The following TUT4 variants were observed in gnomAD, a reference collection of about 807,000 sequenced individuals.
TUT4 encodes terminal uridylyltransferase 4.
In TUT4, 36 loss-of-function variants were observed where a neutral mutation model predicts 192.2. That is an observed-to-expected ratio of 0.19 (90% CI 0.14 to 0.25). TUT4 has a LOEUF of 0.25. TUT4 is among the 10% of genes least tolerant of loss of function. TUT4 has a pLI of 1.00. For synonymous variants in TUT4, 618 were observed against 666.0 expected, an observed-to-expected ratio of 0.93 and a Z score of 1.11; for missense variants, 1,493 against 1,957.2, an observed-to-expected ratio of 0.76 and a Z score of 4.47.
At chr1:52,539,240 T>G (rs17373654) in intron 1 of TUT4, among the ~76,000 whole-genome samples, 1 of 152,092 alleles carries the variant, frequency 6.6e-6, no homozygotes, top group Non-Finnish European at 1.5e-5. Flanking sequence ...TCAAGGAAAG[T>G]AGAGTTGAAT....
intron 27 of TUT4, 68 bp from the exon 28 acceptor site, chr1:52,431,528 AAATAC>A: frequency 8.3e-7 from 1 of 1,206,492 alleles, no homozygotes. Context: ...AGTAGAGATA[AAATAC>A]AAAATTAAAA....
At position 52,477,868 on chromosome 1, in the gene TUT4, C is replaced by T. The variant is rs1339537970; in HGVS notation, c.1863G>A (p.Leu621=). Residue 621 remains leucine (L), a synonymous_variant, in exon 12 of 30, where the codon TTG becomes TTA. Transcript: ENST00000257177. ...KEKHGKSPLA[L]ETPNRVSLGQ... ...CCAAGGATACCCGATTTGGTGTTTC[C>T]AATGCTAAAGGAGACTGGAAAAGAA... 2 of 1,607,006 alleles carry T rather than the reference C, an allele frequency of 1.2e-6. No individual in the cohort carries two copies. The highest frequency in any genetic ancestry group is 1.7e-6 in the Non-Finnish European group (2 of 1,177,624).
intron 20 of TUT4, among the ~76,000 whole-genome samples, chr1:52,451,393 C>T (rs1194626344): frequency 6.6e-6 from 1 of 152,094 alleles, no homozygotes; most frequent in Non-Finnish European, 1.5e-5. Flanking sequence ...CAAATCACTC[C>T]TAGCCAGGCT....
intron 27 of TUT4, chr1:52,434,370 GATACT>G (rs1653073347): frequency 6.6e-6 from 1 of 152,166 alleles, no homozygotes; most frequent in Non-Finnish European, 1.5e-5. Flanking sequence ...AAAATTTGAT[GATACT>G]AATACCTACC....
chr1:52,475,399 C>T lies in TUT4; in HGVS notation c.2160G>A (p.Val720=). 1.2e-6 allele frequency: 2 copies of T among 1,614,042 alleles called. No individual in the cohort carries two copies. The highest frequency in any genetic ancestry group is 1.7e-6 in the Non-Finnish European group (2 of 1,180,030). ...TCCCCTTCTCTCTTTTCTTGAAATCCACTGTAGACTTATTTCCACCCTTCG... is the reference window on the plus strand; with the variant it reads ...TCCCCTTCTCTCTTTTCTTGAAATCTACTGTAGACTTATTTCCACCCTTCG... ...PQTKGGNKST[V]DFKKREKGKI... Residue 720 remains valine, a synonymous_variant, in exon 13 of 30, where the codon GTG becomes GTA. Transcript: ENST00000257177.
chr1:52,534,274 T>C (rs2149555558), intron 1 of TUT4, among the ~76,000 whole-genome samples: 1 of 152,350 alleles, frequency 6.6e-6, no homozygotes, highest in East Asian at 1.9e-4. Context: ...GGGCTAAGTC[T>C]GCCTAATTCT....
At chr1:52,504,592 T>G (rs531021387) in intron 4 of TUT4, among the ~76,000 whole-genome samples, 1 of 152,126 alleles carries the variant, frequency 6.6e-6, no homozygotes, top group African/African-American at 2.4e-5. Context: ...ATAGCGCCAC[T>G]GCACTTCAGT....
chr1:52,474,961 G>T lies in TUT4; in HGVS notation c.2598C>A (p.Cys866Ter). ...TGCAAGAGGTAGCAGATGTGTCGGTGCACACACTCTGATGTGAACTCTCTG... is the reference window on the plus strand; with the variant it reads ...TGCAAGAGGTAGCAGATGTGTCGGTTCACACACTCTGATGTGAACTCTCTG... ...LETESSHQSV[C>*]TDTSATSCNC... Residue 866 changes from cysteine to a stop codon, truncating the protein, a stop_gained, in exon 13 of 30, where the codon TGC (cysteine) becomes TGA (stop). Coordinates refer to ENST00000257177, the MANE Select transcript of TUT4 (RefSeq NM_001009881.3). LOFTEE classifies it high-confidence loss of function. 1 of 1,614,168 alleles carries T rather than the reference G, an allele frequency of 6.2e-7. No individual in the cohort carries two copies. Among genetic ancestry groups the T allele is most frequent in the Non-Finnish European group, 8.5e-7 (1 of 1,180,016 alleles).
At chr1:52,458,246 C>A in intron 20 of TUT4, 90 bp downstream of exon 20, 3 of 797,162 alleles carry the variant, frequency 3.8e-6, no homozygotes, top group South Asian at 2.3e-5. Flanking sequence ...TGGAAAAATC[C>A]TTCATGATGA....
At chr1:52,547,737 T>A (rs1688451016) in intron 1 of TUT4, among the ~76,000 whole-genome samples, 1 of 152,138 alleles carries the variant, frequency 6.6e-6, no homozygotes, top group African/African-American at 2.4e-5. Flanking sequence ...CTTGAAAACA[T>A]TAAGTTCAGT....
At chr1:52,546,595 T>C (rs544319229) in intron 1 of TUT4, among the ~76,000 whole-genome samples, 13 of 152,328 alleles carry the variant, frequency 8.5e-5, no homozygotes, top group South Asian at 6.2e-4. Flanking sequence ...AAAAGGGTTA[T>C]AGGGATGGAT....
intron 12 of TUT4, among the ~76,000 whole-genome samples, chr1:52,477,453 A>G (rs1557782253): frequency 6.6e-6 from 1 of 152,172 alleles, no homozygotes; most frequent in Non-Finnish European, 1.5e-5. Flanking sequence ...ACAAGCCTAT[A>G]GTCCTAGCTA....
chr1:52,476,337 T>C (rs1315951166), intron 12 of TUT4, among the ~76,000 whole-genome samples: 1 of 152,112 alleles, frequency 6.6e-6, no homozygotes, highest in Non-Finnish European at 1.5e-5. Context: ...ATTAAACCAA[T>C]ATTTAAACTT....
At chr1:52,541,560 T>A (rs1686692147) in intron 1 of TUT4, among the ~76,000 whole-genome samples, 1 of 150,410 alleles carries the variant, frequency 6.6e-6, no homozygotes, top group South Asian at 2.1e-4. Flanking sequence ...AACTCCTACA[T>A]CATATCACAT....
chr1:52,473,050 G>C (rs1485995893), intron 13 of TUT4, among the ~76,000 whole-genome samples: 1 of 151,918 alleles, frequency 6.6e-6, no homozygotes, highest in Non-Finnish European at 1.5e-5. Flanking sequence ...TCTTTAAATA[G>C]TAAAAATGAA....
chr1:52,458,706 T>C (rs936739810), intron 19 of TUT4, among the ~76,000 whole-genome samples: 3 of 152,040 alleles, frequency 2.0e-5, no homozygotes, highest in African/African-American at 2.4e-5. Flanking sequence ...AAAACTACTA[T>C]ACATGACGTG....
At chr1:52,463,926 A>G in intron 16 of TUT4, 5 of 495,330 alleles carry the variant, frequency 1.0e-5, no homozygotes, top group Non-Finnish European at 1.6e-5. Flanking sequence ...TATTAGTACT[A>G]TATTTCAGCT....
chr1:52,451,227 C>T (rs1325850643), intron 20 of TUT4, among the ~76,000 whole-genome samples: 2 of 150,102 alleles, frequency 1.3e-5, no homozygotes, highest in Non-Finnish European at 3.0e-5. Flanking sequence ...GATTGCGCCA[C>T]TGCACTCCAG....
chr1:52,461,293 G>C (rs1193564672), intron 18 of TUT4, 70 bp from the exon 19 acceptor site: 4 of 1,405,806 alleles, frequency 2.8e-6, no homozygotes, highest in Non-Finnish European at 2.0e-6. Context: ...AGATTTAAAA[G>C]TAAAATACAC....
Sources: allele counts gnomAD v4.1 joint callset (sites outside exome capture counted in the v4.1 genomes callset), GRCh38; gene constraint gnomAD v4.1.1; transcripts MANE v1.5; gene names NCBI Gene and HGNC (gene_info 2026-07-23, HGNC 2026-07-21).